CLCNKB: variants seen among roughly 807,000 people sequenced by gnomAD.
CLCNKB encodes chloride voltage-gated channel Kb.
A neutral mutation model predicts 83.8 loss-of-function variants in CLCNKB; 74 were observed. The observed-to-expected ratio is 0.88, with a 90% CI of 0.73 to 1.07. The LOEUF (loss-of-function observed/expected upper bound fraction) is 1.07, where lower values mean the gene tolerates loss of function less well. Ranked by LOEUF, CLCNKB falls within the 50% of genes least tolerant of loss-of-function variation. The pLI is 0.00. For synonymous variants in CLCNKB, 358 were observed against 356.6 expected (o/e 1.00, Z -0.04); for missense variants, 798 against 893.6 (o/e 0.89, Z 1.36).
intron 12 of CLCNKB, 74 bp from the exon 13 acceptor site, chr1:16,051,404 C>T: frequency 1.3e-6 from 2 of 1,540,698 alleles, no homozygotes; most frequent in Middle Eastern, 3.4e-4. Flanking sequence ...TCCCCTGTCC[C>T]ATGTCCTGTC....
intron 13 of CLCNKB, 69 bp from the exon 14 acceptor site, chr1:16,051,641 G>A: frequency 6.2e-7 from 1 of 1,604,394 alleles, no homozygotes; most frequent in Non-Finnish European, 8.5e-7. Context: ...ACTGAGGACG[G>A]TCCTCAGGGA....
At chr1:16,053,585 C>G in intron 15 of CLCNKB, 54 bp from the exon 16 acceptor site, 1 of 1,613,154 alleles carries the variant, frequency 6.2e-7, no homozygotes, top group Non-Finnish European at 8.5e-7. Context: ...CCCCTGCCAG[C>G]CTGGGTCTCA....
At chr1:16,044,782 G>A (rs1436671281) in intron 2 of CLCNKB, among the ~76,000 whole-genome samples, 190 bp downstream of exon 2, 3 of 152,228 alleles carry the variant, frequency 2.0e-5, no homozygotes, top group Non-Finnish European at 4.4e-5. Flanking sequence ...TGGGTCAGAT[G>A]GGCCGGGCAT....
intron 15 of CLCNKB, 145 bp downstream of exon 15, chr1:16,052,556 T>C (rs1201121162): frequency 1.0e-5 from 12 of 1,174,378 alleles, no homozygotes; most frequent in Non-Finnish European, 1.5e-5. Context: ...TTCTCCACTC[T>C]CCCCAGTGCC....
At position 16,052,186 on chromosome 1, in the gene CLCNKB, C is replaced by G. The variant is rs769345329; in HGVS notation, c.1409-12C>G. 1.2e-6 allele frequency: 2 copies of G among 1,612,764 alleles called. No individual in the cohort carries two copies. Among genetic ancestry groups the G allele is most frequent in the Non-Finnish European group, 1.7e-6 (2 of 1,179,902 alleles). On this transcript the variant is annotated splice_polypyrimidine_tract_variant and intron_variant, in intron 14 of 19. Coordinates refer to ENST00000375679, the MANE Select transcript of CLCNKB (RefSeq NM_000085.5). ...CTGGCCTGAGCTGCCCTGCCTGACT[C>G]TGCCCTTGCAGGGGCTGCAGCCTTC...
Position 16,051,502 on chromosome 1 carries a change from A to G in CLCNKB, c.1252A>G (p.Thr418Ala). 6.2e-7 allele frequency: 1 copy of G among 1,614,016 alleles called. No individual in the cohort carries two copies. Among genetic ancestry groups the G allele is most frequent in the Middle Eastern group, 1.6e-4 (1 of 6,062 alleles). Residue 418 changes from threonine (T) to alanine (A), a missense_variant, in exon 13 of 20, where the codon ACC becomes GCC. Transcript: ENST00000375679. ...MKFWMLILAT[T>A]IPMPAGYFMP... ...GTTCTGGATGCTGATTCTGGCCACCACCATCCCCATGCCTGCCGGGTACTT... is the reference window on the plus strand; with the variant it reads ...GTTCTGGATGCTGATTCTGGCCACCGCCATCCCCATGCCTGCCGGGTACTT...
chr1:16,053,702 G>C lies in CLCNKB; in HGVS notation c.1686G>C (p.Met562Ile). 1 of 1,613,938 alleles carries C rather than the reference G, an allele frequency of 6.2e-7. No homozygotes were observed. The highest frequency in any genetic ancestry group is 8.5e-7 in the Non-Finnish European group (1 of 1,179,994). ...GCATCACCACACTGGCCAAGGACATGCCACTGGAGGAGGTGGTCAAGGTTG... is the reference window on the plus strand; with the variant it reads ...GCATCACCACACTGGCCAAGGACATCCCACTGGAGGAGGTGGTCAAGGTTG... ...NHSITTLAKD[M>I]PLEEVVKVVT... The change falls in exon 16 of 20, where the codon ATG becomes ATC. Residue 562 changes from methionine (M) to isoleucine (I), a missense_variant. Met to Ile is a conservative substitution (Grantham distance 10). Transcript: ENST00000375679.
chr1:16,055,371 A>T, intron 16 of CLCNKB, 64 bp from the exon 17 acceptor site: 1 of 1,297,294 alleles, frequency 7.7e-7, no homozygotes, highest in Non-Finnish European at 1.1e-6. Flanking sequence ...AGTAGGTGCT[A>T]AGTAAATGTG....
chr1:16,052,058 G>A lies in CLCNKB; in HGVS notation c.1409-140G>A, dbSNP rs546478760. ...ATCCCTCTCCTCTCACCAAGCCCAG[G>A]CACTGGGCACTTCCCACAGTGCCCA... On this transcript the variant is annotated intron_variant, in intron 14 of 19. Transcript: ENST00000375679. 1.1e-4 allele frequency: 130 copies of A among 1,143,636 alleles called. No homozygotes were observed. The East Asian group carries it at 2.2e-3, about 19-fold the overall frequency. 70.8% of individuals were successfully genotyped at this position (1,143,636 alleles called of 1,614,324 possible).
rs759841350 is a variant in CLCNKB at position 16,052,271 on chromosome 1, G to A, written c.1482G>A (p.Gln494=). The change falls in exon 15 of 20, where the codon CAG becomes CAA. Residue 494 remains glutamine (Q), a synonymous_variant. Coordinates refer to ENST00000375679, the MANE Select transcript of CLCNKB (RefSeq NM_000085.5). The part of the protein sequence containing the change: ...TALLAFEVTG[Q]IVHALPVLMA... ...TGCTGGCCTTCGAGGTGACCGGCCAGATAGTGCATGCACTGCCCGTGCTGA... is the reference window on the plus strand; with the variant it reads ...TGCTGGCCTTCGAGGTGACCGGCCAAATAGTGCATGCACTGCCCGTGCTGA... The A allele has an allele frequency of 6.2e-7, 1 of 1,613,362 alleles. No individual in the cohort carries two copies. Among genetic ancestry groups the A allele is most frequent in the Admixed American group, 1.7e-5 (1 of 60,032 alleles).
rs374883047 is a variant in CLCNKB, at chr1:16,044,424, T to C, written c.-7-62T>C. On this transcript the variant is annotated intron_variant, in intron 1 of 19. Coordinates refer to ENST00000375679, the MANE Select transcript of CLCNKB (RefSeq NM_000085.5). ...GGGTGGGGAGAGCACTGGAAGGGCC[T>C]AGAGGCAGTGCGAGGACGTGCAGCA... The C allele has an allele frequency of 1.5e-4, 202 of 1,375,800 alleles. 1 individual carries two copies. In the East Asian group the frequency reaches 4.6e-3, roughly 32 times the overall value. The allele number at this position is 1,375,800 out of a possible 1,614,324, so 85.2% of individuals were successfully genotyped here.
At chr1:16,054,625 G>A (rs116139532) in intron 16 of CLCNKB, among the ~76,000 whole-genome samples, 247 of 152,222 alleles carry the variant, frequency 1.6e-3, no homozygotes, top group Middle Eastern at 3.4e-3. Context: ...CTGGAAGACC[G>A]TTAGCATTAT....
rs776139863 is a variant in CLCNKB at position 16,055,671 on chromosome 1, C to G, written c.1846-4C>G. On this transcript the variant is annotated splice_region_variant and splice_polypyrimidine_tract_variant and intron_variant, in intron 17 of 19. Transcript: ENST00000375679. ...CTGCACCTGTAACCCTTCCCCACCCCCAGCAGTGTCTCCAGGACATCTTGG... is the reference window on the plus strand; with the variant it reads ...CTGCACCTGTAACCCTTCCCCACCCGCAGCAGTGTCTCCAGGACATCTTGG... 2.5e-6 allele frequency: 4 copies of G among 1,613,802 alleles called. No homozygotes were observed. The highest frequency in any genetic ancestry group is 1.7e-5 in the Admixed American group (1 of 60,028).
At chr1:16,051,258 G>A (rs1414373667) in intron 12 of CLCNKB, among the ~76,000 whole-genome samples, 1 of 152,170 alleles carries the variant, frequency 6.6e-6, no homozygotes, top group African/African-American at 2.4e-5. Context: ...TACTGGGAAG[G>A]CTAAGGAGGA....
At chr1:16,048,727 G>GC in intron 7 of CLCNKB, 145 bp downstream of exon 7, 2 of 1,474,880 alleles carry the variant, frequency 1.4e-6, no homozygotes, top group Non-Finnish European at 9.0e-7. Flanking sequence ...CACAGCCACC[G>GC]CCCCCCACCG....
Position 16,048,526 on chromosome 1 carries a change from T to C in CLCNKB, c.599T>C (p.Met200Thr). 1 of 1,613,342 alleles carries C rather than the reference T, an allele frequency of 6.2e-7. No individual in the cohort carries two copies. The highest frequency in any genetic ancestry group is 1.1e-5 in the South Asian group (1 of 91,052). Reference protein sequence around the residue: ...EPENKSKQNEMLVAAAAVGVA... With the variant: ...EPENKSKQNETLVAAAAVGVA... ...CAGAACAAGAGCAAGCAAAACGAAA[T>C]GCTGGTGGCAGCGGCGGCAGTGGGC... Residue 200 changes from methionine to threonine, a missense_variant, in exon 7 of 20, where the codon ATG becomes ACG. Physicochemically the swap from Met to Thr is moderately conservative, Grantham distance 81. Transcript: ENST00000375679.
Position 16,048,358 on chromosome 1 carries a change from C to T in CLCNKB, c.514C>T (p.Leu172=), listed in dbSNP as rs746716584. 27 of 1,614,044 alleles carry T rather than the reference C, an allele frequency of 1.7e-5. No individual in the cohort carries two copies. The highest frequency in any genetic ancestry group is 1.9e-5 in the Non-Finnish European group (23 of 1,180,016). Reference sequence around the variant, plus strand: ...CTCTCTGCAGGGCCCTTTCGTGCACCTGTCTGTGATGATGGCTGCCTACCT... The same window carrying T: ...CTCTCTGCAGGGCCCTTTCGTGCACTTGTCTGTGATGATGGCTGCCTACCT... ...FLGKVGPFVH[L]SVMMAAYLGR... The change falls in exon 6 of 20, where the codon CTG becomes TTG. Residue 172 remains leucine (L), a synonymous_variant. Coordinates refer to ENST00000375679, the MANE Select transcript of CLCNKB (RefSeq NM_000085.5).
chr1:16,049,614 C>T lies in CLCNKB; in HGVS notation c.782-4C>T. ...CTTGGCTCCCCACTGCCCTCCTTCC[C>T]CAGAGACCATCACCTCCCTCTACAA... On this transcript the variant is annotated splice_polypyrimidine_tract_variant and splice_region_variant and intron_variant, in intron 8 of 19. Coordinates refer to ENST00000375679, the MANE Select transcript of CLCNKB (RefSeq NM_000085.5). The T allele has an allele frequency of 6.3e-7, 1 of 1,599,264 alleles. No individual in the cohort carries two copies. Among genetic ancestry groups the T allele is most frequent in the Non-Finnish European group, 8.5e-7 (1 of 1,170,362 alleles).
At chr1:16,051,670 G>C (rs375000383) in intron 13 of CLCNKB, 40 bp from the exon 14 acceptor site, 11 of 1,603,368 alleles carry the variant, frequency 6.9e-6, no homozygotes. Context: ...TGTGGGGGCC[G>C]GGTCAGCCTG....
Sources: allele counts gnomAD v4.1 joint callset (sites outside exome capture counted in the v4.1 genomes callset), GRCh38; gene constraint gnomAD v4.1.1; transcripts MANE v1.5; gene names NCBI Gene and HGNC (gene_info 2026-07-23, HGNC 2026-07-21).